CEP128: variants seen among roughly 807,000 people sequenced by gnomAD.
The protein encoded by CEP128 is centrosomal protein 128.
A neutral mutation model predicts 156.7 loss-of-function variants in CEP128; 132 were observed. That is an observed-to-expected ratio of 0.84 (90% confidence interval 0.73 to 0.97). CEP128 has a LOEUF of 0.97. Among genes scored for constraint, CEP128 ranks in the 50% least tolerant of loss-of-function variants. The pLI, the probability that CEP128 is intolerant of heterozygous loss-of-function variation, is 0.00. For missense variants in CEP128, 1,252 were observed against 1,281.9 expected (o/e 0.98, Z 0.36); for synonymous variants, 469 against 448.9 (o/e 1.04, Z -0.57).
chr14:80,705,222 T>C (rs988029760), intron 19 of CEP128, among the ~76,000 whole-genome samples: 1 of 152,106 alleles, frequency 6.6e-6, no homozygotes, highest in Non-Finnish European at 1.5e-5. Flanking sequence ...ACTGAATTGC[T>C]TGATAGGCCT....
chr14:80,838,106 A>G (rs1216256023), intron 11 of CEP128, 98 bp downstream of exon 11: 8 of 804,342 alleles, frequency 9.9e-6, no homozygotes. Context: ...TTTTTTCTAG[A>G]CCTAGTTCTT....
intron 2 of CEP128, among the ~76,000 whole-genome samples, chr14:80,918,476 A>C (rs1884679231): frequency 6.6e-6 from 1 of 152,192 alleles, no homozygotes; most frequent in African/African-American, 2.4e-5. Context: ...CAACTTATTA[A>C]AGTGAACACT....
chr14:80,583,435 T>C (rs1209351202), intron 19 of CEP128, among the ~76,000 whole-genome samples: 1 of 152,136 alleles, frequency 6.6e-6, no homozygotes, highest in Admixed American at 6.6e-5. Flanking sequence ...TAACCTTTCC[T>C]GCTGCAGAAG....
chr14:80,478,563 T>G (rs1281575734), intron 14 of CEP128, among the ~76,000 whole-genome samples: 1 of 152,184 alleles, frequency 6.6e-6, no homozygotes, highest in Non-Finnish European at 1.5e-5. Flanking sequence ...TACCAGTATG[T>G]GATCTTGGGT....
At chr14:80,798,102 C>T (rs1261394260) in intron 13 of CEP128, among the ~76,000 whole-genome samples, 2 of 152,084 alleles carry the variant, frequency 1.3e-5, no homozygotes, top group Non-Finnish European at 2.9e-5. Context: ...CAGAATTATC[C>T]ATATTACCAT....
chr14:80,630,803 G>A (rs1893930440), intron 19 of CEP128, among the ~76,000 whole-genome samples: 2 of 152,140 alleles, frequency 1.3e-5, no homozygotes, highest in South Asian at 4.1e-4. Flanking sequence ...CCATATCTCT[G>A]TTGTAATACA....
rs761386038 is a variant in CEP128 at position 80,785,511 on chromosome 14, A to G, written c.1595T>C (p.Leu532Pro). The G allele has an allele frequency of 6.2e-6, 10 of 1,611,966 alleles. No individual in the cohort carries two copies. The Admixed American group carries it at 1.0e-4, about 16-fold the overall frequency. The change falls in exon 15 of 25, where the codon CTG becomes CCG. Residue 532 changes from leucine to proline, a missense_variant. Leu to Pro is a moderately conservative substitution (Grantham distance 98, BLOSUM62 -3). Coordinates refer to ENST00000555265, the MANE Select transcript of CEP128 (RefSeq NM_152446.5). ...LKEKDELKTQ[L>P]YAALQQIENL... ...CTCTATTTGTTGTAATGCTGCATAC[A>G]GCTGGGTTTTCAATTCATCCTTTTC...
At chr14:80,849,538 T>C (rs1886783172) in intron 9 of CEP128, among the ~76,000 whole-genome samples, 1 of 152,194 alleles carries the variant, frequency 6.6e-6, no homozygotes, top group Non-Finnish European at 1.5e-5. Flanking sequence ...CTAAATACTA[T>C]CCTAATACTT....
At chr14:80,595,011 A>C (rs890932580) in intron 19 of CEP128, among the ~76,000 whole-genome samples, 4 of 152,214 alleles carry the variant, frequency 2.6e-5, no homozygotes, top group African/African-American at 9.6e-5. Context: ...TCTACTGTTA[A>C]AACACATGCA....
At chr14:80,750,270 A>G (rs1899321393) in intron 18 of CEP128, among the ~76,000 whole-genome samples, 1 of 152,232 alleles carries the variant, frequency 6.6e-6, no homozygotes, top group Non-Finnish European at 1.5e-5. Context: ...CTTTTCCCCC[A>G]TGTTGGAAAT....
In CEP128 at chr14:80,836,340, A is replaced by C. The variant is rs200871496; in HGVS notation, c.925-3T>G. On this transcript the variant is annotated splice_polypyrimidine_tract_variant and splice_region_variant and intron_variant, in intron 11 of 24. Transcript: ENST00000555265. ...AGTTGTGTACGCAGTTCTTCTACCT[A>C]ACACATGGTCAAAAATCAAACATCG... The C allele has an allele frequency of 1.9e-5, 31 of 1,613,728 alleles. No individual in the cohort carries two copies. The Admixed American group carries it at 3.7e-4, about 19-fold the overall frequency.
At chr14:80,567,276 C>T (rs923995366) in intron 20 of CEP128, among the ~76,000 whole-genome samples, 6 of 151,934 alleles carry the variant, frequency 3.9e-5, no homozygotes, top group Admixed American at 6.6e-5. Flanking sequence ...GGAAAGGCTG[C>T]GGTTGTATTT....
chr14:80,904,732 T>A, intron 6 of CEP128, 81 bp downstream of exon 6: 1 of 838,616 alleles, frequency 1.2e-6, no homozygotes, highest in Non-Finnish European at 2.1e-6. Flanking sequence ...AATATAGCCT[T>A]AAAGTTCAAG....
At chr14:80,799,877 T>C (rs1229802776) in intron 13 of CEP128, among the ~76,000 whole-genome samples, 3 of 152,206 alleles carry the variant, frequency 2.0e-5, no homozygotes, top group Admixed American at 1.3e-4. Context: ...TAGACCCTTA[T>C]CAGTAGTTCT....
At chr14:80,798,656 G>A (rs139147176) in intron 13 of CEP128, among the ~76,000 whole-genome samples, 93 of 152,246 alleles carry the variant, frequency 6.1e-4, no homozygotes, top group African/African-American at 1.9e-3. Flanking sequence ...TTATTTCAGC[G>A]TAGAAAACTA....
chr14:80,606,498 T>C (rs913621771), intron 19 of CEP128, among the ~76,000 whole-genome samples: 2 of 152,100 alleles, frequency 1.3e-5, no homozygotes, highest in Non-Finnish European at 2.9e-5. Context: ...GTCTGTAAAA[T>C]TTCCATCAAC....
At chr14:80,673,051 A>T (rs549174707) in intron 19 of CEP128, among the ~76,000 whole-genome samples, 1 of 152,310 alleles carries the variant, frequency 6.6e-6, no homozygotes, top group African/African-American at 2.4e-5. Context: ...GTAAACATTT[A>T]TGTATAGTAA....
chr14:80,881,074 G>A (rs891489006), intron 8 of CEP128, among the ~76,000 whole-genome samples: 3 of 144,974 alleles, frequency 2.1e-5, no homozygotes, highest in African/African-American at 7.6e-5. Context: ...AAATAATAAA[G>A]ATCAGAGTAG....
intron 21 of CEP128, among the ~76,000 whole-genome samples, chr14:80,558,473 A>T (rs774847293): frequency 1.3e-5 from 2 of 152,090 alleles, no homozygotes; most frequent in Non-Finnish European, 2.9e-5. Context: ...AATTTTTAGT[A>T]AAGACGGGGT....
Sources: allele counts gnomAD v4.1 joint callset (sites outside exome capture counted in the v4.1 genomes callset), GRCh38; gene constraint gnomAD v4.1.1; transcripts MANE v1.5; gene names NCBI Gene and HGNC (gene_info 2026-07-23, HGNC 2026-07-21).